Variants in DGKB observed in about 807,000 individuals in gnomAD.
The protein encoded by DGKB is diacylglycerol kinase beta, also known as 90 kDa diacylglycerol kinase.
In DGKB, 67 loss-of-function variants were observed where a neutral mutation model predicts 114.3. That is an observed-to-expected ratio of 0.59 (90% CI 0.48 to 0.72). The LOEUF (loss-of-function observed/expected upper bound fraction) is 0.72, where lower values mean the gene tolerates loss of function less well. DGKB is among the 30% of genes least tolerant of loss of function. DGKB has a pLI of 0.00. For missense variants in DGKB, 907 were observed against 975.2 expected (o/e 0.93, Z 0.93); for synonymous variants, 398 against 323.1 (o/e 1.23, Z -2.49).
intron 8 of DGKB, among the ~76,000 whole-genome samples, chr7:14,697,333 C>T (rs1001972988): frequency 6.6e-6 from 1 of 152,058 alleles, no homozygotes; most frequent in Non-Finnish European, 1.5e-5. Context: ...AGTGTATCTA[C>T]CTCAGAGAGT....
intron 2 of DGKB, among the ~76,000 whole-genome samples, chr7:14,758,407 T>C (rs979421013): frequency 2.6e-5 from 4 of 152,114 alleles, no homozygotes; most frequent in Admixed American, 6.6e-5. Context: ...ACATTCAGTC[T>C]ACTAAAATAT....
chr7:14,374,360 A>T (rs987369886), intron 21 of DGKB, among the ~76,000 whole-genome samples: 1 of 151,790 alleles, frequency 6.6e-6, no homozygotes, highest in African/African-American at 2.4e-5. Flanking sequence ...CCCTCTCCCC[A>T]TGGGCGCTCT....
chr7:14,220,881 G>GT (rs1182232370), intron 23 of DGKB, among the ~76,000 whole-genome samples: 12 of 151,144 alleles, frequency 7.9e-5, no homozygotes, highest in Non-Finnish European at 1.6e-4. Context: ...ATGTTTTGCA[G>GT]TTTTGAATTT....
At chr7:14,745,466 G>C (rs559901282) in intron 4 of DGKB, among the ~76,000 whole-genome samples, 1 of 152,162 alleles carries the variant, frequency 6.6e-6, no homozygotes, top group Non-Finnish European at 1.5e-5. Flanking sequence ...ATAAAGGAGG[G>C]TCCACAGAGA....
chr7:14,304,457 T>C (rs905141305), intron 23 of DGKB, among the ~76,000 whole-genome samples: 4 of 144,364 alleles, frequency 2.8e-5, no homozygotes, highest in African/African-American at 7.3e-5. Flanking sequence ...CCAAATCTCA[T>C]AGCATTCACT....
At chr7:14,303,236 C>G (rs1362947957) in intron 23 of DGKB, among the ~76,000 whole-genome samples, 5 of 152,040 alleles carry the variant, frequency 3.3e-5, no homozygotes, top group Non-Finnish European at 7.4e-5. Context: ...CGTAATGATA[C>G]AAGTTATTTG....
intron 1 of DGKB, among the ~76,000 whole-genome samples, chr7:14,849,680 G>A (rs1217347648): frequency 6.6e-6 from 1 of 152,130 alleles, no homozygotes; most frequent in East Asian, 1.9e-4. Context: ...GGATGACCTA[G>A]CTGGGCATGA....
chr7:14,349,787 C>G (rs1253194465), intron 21 of DGKB, among the ~76,000 whole-genome samples: 1 of 152,048 alleles, frequency 6.6e-6, no homozygotes, highest in African/African-American at 2.4e-5. Flanking sequence ...AGCATTTATG[C>G]TATCTACTTT....
chr7:14,500,473 TA>T lies in DGKB; in HGVS notation c.1771-22249del, dbSNP rs545206579. 9.1e-3 allele frequency among the ~76,000 whole-genome samples: 1,302 copies of T among 142,824 alleles called. 21 individuals are homozygous for T. The highest frequency in any genetic ancestry group is 0.034 in the African/African-American group (1,223 of 36,406). 93.7% of individuals were successfully genotyped at this position (142,824 alleles called of 152,430 possible). A position where few individuals can be genotyped will look rare whatever the true frequency, so the allele number is the denominator to read the frequency against. Reference sequence around the variant, plus strand: ...AATGAACCAAACTAAAAAGTTTCTTTATTTTTTTTTTTGCTATCATCTTTCC... The same window carrying T: ...AATGAACCAAACTAAAAAGTTTCTTTTTTTTTTTTTTGCTATCATCTTTCC... On this transcript the variant is annotated intron_variant, in intron 20 of 25. Transcript: ENST00000402815.
intron 1 of DGKB, among the ~76,000 whole-genome samples, chr7:14,855,155 A>G (rs1247352913): frequency 6.6e-6 from 1 of 152,192 alleles, no homozygotes; most frequent in African/African-American, 2.4e-5. Flanking sequence ...ATCTCAAAAA[A>G]AGATTGGTGA....
At chr7:14,400,064 G>A (rs183533894) in intron 21 of DGKB, among the ~76,000 whole-genome samples, 20 of 151,898 alleles carry the variant, frequency 1.3e-4, no homozygotes, top group East Asian at 3.9e-4. Context: ...GCTGAAGTGC[G>A]TGTAAAAATA....
At chr7:14,185,765 G>A (rs1783326594) in intron 23 of DGKB, among the ~76,000 whole-genome samples, 1 of 152,124 alleles carries the variant, frequency 6.6e-6, no homozygotes, top group African/African-American at 2.4e-5. Flanking sequence ...ATAAAGTGGG[G>A]GAAAGGACAC....
intron 23 of DGKB, among the ~76,000 whole-genome samples, chr7:14,274,036 T>A (rs928636358): frequency 7.2e-5 from 11 of 152,212 alleles, no homozygotes; most frequent in African/African-American, 2.7e-4. Flanking sequence ...ATGACAAATG[T>A]CCCTTTTTGA....
chr7:14,728,406 A>T (rs921169922), intron 5 of DGKB, among the ~76,000 whole-genome samples: 1 of 151,956 alleles, frequency 6.6e-6, no homozygotes, highest in South Asian at 2.1e-4. Context: ...GGCCTTGGCT[A>T]CCTCTCTCGC....
chr7:14,427,956 A>G (rs960214505), intron 21 of DGKB, among the ~76,000 whole-genome samples: 15 of 151,970 alleles, frequency 9.9e-5, no homozygotes, highest in Admixed American at 9.2e-4. Flanking sequence ...ATCTTTCTCT[A>G]TGTTTTAAAT....
chr7:14,746,906 C>T (rs1193384447), intron 4 of DGKB, among the ~76,000 whole-genome samples: 1 of 151,822 alleles, frequency 6.6e-6, no homozygotes, highest in Non-Finnish European at 1.5e-5. Flanking sequence ...ATTTCTGTGT[C>T]AGATAACAGA....
intron 20 of DGKB, among the ~76,000 whole-genome samples, chr7:14,534,714 G>GA (rs1253853906): frequency 2.0e-5 from 3 of 151,980 alleles, no homozygotes; most frequent in Non-Finnish European, 4.4e-5. Context: ...GTAAAAAAAA[G>GA]AAAAAATACA....
intron 1 of DGKB, among the ~76,000 whole-genome samples, chr7:14,895,080 T>C (rs147700363): frequency 6.6e-6 from 1 of 151,550 alleles, no homozygotes; most frequent in Admixed American, 6.6e-5. Flanking sequence ...ACAGGTTGTT[T>C]ATGTGCAGCC....
In DGKB at chr7:14,204,804, T is replaced by C. The variant is rs1205908221; in HGVS notation, c.2123-26653A>G. Reference sequence around the variant, plus strand: ...AGTATGGGAAGAGAACGTACGTTCATGTAGATCAATTCTAGGGGAAAAAGA... The same window carrying C: ...AGTATGGGAAGAGAACGTACGTTCACGTAGATCAATTCTAGGGGAAAAAGA... On this transcript the variant is annotated intron_variant, in intron 23 of 25. Transcript: ENST00000402815. 2.0e-5 allele frequency among the ~76,000 whole-genome samples: 3 copies of C among 152,064 alleles called. No individual in the cohort carries two copies. The East Asian group carries it at 5.8e-4, about 29-fold the overall frequency.
Sources: allele counts gnomAD v4.1 joint callset (sites outside exome capture counted in the v4.1 genomes callset), GRCh38; gene constraint gnomAD v4.1.1; transcripts MANE v1.5; gene names NCBI Gene and HGNC (gene_info 2026-07-23, HGNC 2026-07-21).